The following ENPP3 variants were observed in gnomAD, a reference collection of about 807,000 sequenced individuals.
ENPP3 encodes the protein ectonucleotide pyrophosphatase/phosphodiesterase 3, also known as ectonucleotide pyrophosphatase/phosphodiesterase family member 3.
A neutral mutation model predicts 117.8 loss-of-function variants in ENPP3; 104 were observed. The ratio of observed to expected loss-of-function variants is 0.88; its 90% confidence interval spans 0.75 to 1.04. The LOEUF is 1.04. Among genes scored for constraint, ENPP3 ranks in the 50% least tolerant of loss-of-function variants. The probability of loss-of-function intolerance (pLI) is 0.00; values close to 1 mark genes in which losing one functional copy is unlikely to be tolerated. For synonymous variants in ENPP3, 380 were observed against 349.9 expected, an observed-to-expected ratio of 1.09 and a Z score of -0.96; for missense variants, 1,026 against 1,051.9, an observed-to-expected ratio of 0.98 and a Z score of 0.34.
At chr6:131,709,793 G>A (rs761283781) in intron 15 of ENPP3, 43 of 1,612,722 alleles carry the variant, frequency 2.7e-5, no homozygotes, top group South Asian at 4.4e-5. Context: ...TCCTCTATTC[G>A]GTAATTTTCC....
chr6:131,714,741 G>A (rs1454233334), intron 15 of ENPP3, among the ~76,000 whole-genome samples: 13 of 144,710 alleles, frequency 9.0e-5, no homozygotes, highest in East Asian at 6.1e-4. Flanking sequence ...GTTCATTTCC[G>A]TGAAAAATAT....
intron 21 of ENPP3, among the ~76,000 whole-genome samples, chr6:131,734,723 C>T (rs1041249331): frequency 6.6e-6 from 1 of 151,300 alleles, no homozygotes; most frequent in African/African-American, 2.4e-5. Flanking sequence ...ATGGTGAAAC[C>T]CTGTCCCGTC....
intron 6 of ENPP3, among the ~76,000 whole-genome samples, chr6:131,666,870 C>T (rs970616893): frequency 6.6e-6 from 1 of 152,186 alleles, no homozygotes; most frequent in Non-Finnish European, 1.5e-5. Context: ...GAGAAACCCT[C>T]GCCAGTTGGC....
intron 9 of ENPP3, among the ~76,000 whole-genome samples, chr6:131,676,246 C>G (rs1778865736): frequency 7.7e-6 from 1 of 129,682 alleles, no homozygotes; most frequent in Admixed American, 7.4e-5. Flanking sequence ...TTACTCTGCT[C>G]TAGTTTTTTT....
At chr6:131,645,748 A>C (rs531293214) in intron 2 of ENPP3, among the ~76,000 whole-genome samples, 8 of 152,112 alleles carry the variant, frequency 5.3e-5, no homozygotes, top group Non-Finnish European at 1.0e-4. Context: ...TAGTATCCAG[A>C]GTTGCTTTTA....
chr6:131,682,365 C>T (rs1033076063), intron 11 of ENPP3, among the ~76,000 whole-genome samples: 4 of 151,902 alleles, frequency 2.6e-5, no homozygotes, highest in African/African-American at 9.7e-5. Context: ...ATGATGGTGT[C>T]CACCTGTGGT....
At chr6:131,665,229 G>T (rs1356016890) in intron 6 of ENPP3, among the ~76,000 whole-genome samples, 2 of 152,018 alleles carry the variant, frequency 1.3e-5, no homozygotes, top group African/African-American at 4.8e-5. Flanking sequence ...TGTGATATCT[G>T]TGTAGCTTTT....
Position 131,685,420 on chromosome 6 carries a change from A to G in ENPP3, c.1177A>G (p.Ile393Val). Residue 393 changes from isoleucine (I) to valine (V), a missense_variant, in exon 13 of 25, where the codon ATA becomes GTA. Coordinates refer to ENST00000357639, the MANE Select transcript of ENPP3 (RefSeq NM_005021.5). ...MEYMTDYFPR[I>V]NFFYMYEGPA... ...ATACATGACTGATTATTTTCCCAGA[A>G]TAAACTTCTTCTACATGTACGAAGG... 1 of 1,613,476 alleles carries G rather than the reference A, an allele frequency of 6.2e-7. No homozygotes were observed. The highest frequency in any genetic ancestry group is 8.5e-7 in the Non-Finnish European group (1 of 1,179,380).
chr6:131,730,401 A>G (rs1165926633), intron 20 of ENPP3, among the ~76,000 whole-genome samples: 2 of 152,226 alleles, frequency 1.3e-5, no homozygotes, highest in Non-Finnish European at 2.9e-5. Flanking sequence ...AGAGTGAAAT[A>G]AATGGTGAGA....
chr6:131,713,206 T>C (rs1434627423), intron 15 of ENPP3, among the ~76,000 whole-genome samples: 1 of 137,390 alleles, frequency 7.3e-6, no homozygotes, highest in Non-Finnish European at 1.5e-5. Context: ...CTATCATGAT[T>C]GTGAGTTCTC....
At chr6:131,684,551 TGCCTGTA>T (rs1196500240) in intron 12 of ENPP3, among the ~76,000 whole-genome samples, 2 of 152,076 alleles carry the variant, frequency 1.3e-5, no homozygotes, top group African/African-American at 4.8e-5. Context: ...TGGTGGCACA[TGCCTGTA>T]GCCCCAGCTA....
At chr6:131,741,515 G>T (rs1431442615) in intron 24 of ENPP3, among the ~76,000 whole-genome samples, 1 of 152,164 alleles carries the variant, frequency 6.6e-6, no homozygotes, top group Non-Finnish European at 1.5e-5. Flanking sequence ...CATAAAATAA[G>T]GTGTAAGTAG....
In ENPP3 at chr6:131,683,110, GA is replaced by G; in HGVS notation, c.1070del (p.Lys357SerfsTer30). On this transcript the variant is annotated frameshift_variant, in exon 12 of 25. Transcript: ENST00000357639. LOFTEE classifies it high-confidence loss of function. ...HAFGMLMEGL[K>X]QRNLHNCVNI... ...CTTTTGGGATGTTGATGGAAGGCCT[GA>G]AGCAGCGGAATTTGCACAACTGTGT... 1 of 1,613,054 alleles carries G rather than the reference GA, an allele frequency of 6.2e-7. No individual in the cohort carries two copies. The highest frequency in any genetic ancestry group is 8.5e-7 in the Non-Finnish European group (1 of 1,179,124).
At chr6:131,693,079 GTTATATATTATATA>G (rs909743329) in intron 14 of ENPP3, among the ~76,000 whole-genome samples, 2 of 141,694 alleles carry the variant, frequency 1.4e-5, no homozygotes, top group East Asian at 2.0e-4. Flanking sequence ...ATTATATATG[GTTATATATTATATA>G]TTATATATTA....
intron 2 of ENPP3, among the ~76,000 whole-genome samples, chr6:131,648,370 T>G (rs1257280993): frequency 6.6e-6 from 1 of 152,044 alleles, no homozygotes; most frequent in African/African-American, 2.4e-5. Flanking sequence ...TCTGTTTTGA[T>G]AAGCACCTAA....
intron 18 of ENPP3, 111 bp downstream of exon 18, chr6:131,722,516 T>C (rs1350373207): frequency 5.0e-6 from 4 of 794,714 alleles, no homozygotes; most frequent in Admixed American, 4.7e-5. Flanking sequence ...GCCTTGGATA[T>C]TTACTTAGTA....
At chr6:131,743,415 C>T (rs1355749478) in intron 24 of ENPP3, among the ~76,000 whole-genome samples, 1 of 151,946 alleles carries the variant, frequency 6.6e-6, no homozygotes, top group East Asian at 1.9e-4. Context: ...ATAAAATATT[C>T]ACCTCCTTTT....
intron 14 of ENPP3, among the ~76,000 whole-genome samples, chr6:131,691,563 T>C (rs1779279245): frequency 6.8e-6 from 1 of 146,910 alleles, no homozygotes; most frequent in Non-Finnish European, 1.5e-5. Flanking sequence ...CACTCCAGCC[T>C]GAGTGATAGA....
intron 11 of ENPP3, among the ~76,000 whole-genome samples, chr6:131,680,582 TGAG>T (rs142669196): frequency 0.096 from 14,669 of 152,084 alleles, 1,674 homozygotes; most frequent in African/African-American, 0.27. Context: ...ACTTAAAACT[TGAG>T]AAGAAGAGGC....
Sources: allele counts gnomAD v4.1 joint callset (sites outside exome capture counted in the v4.1 genomes callset), GRCh38; gene constraint gnomAD v4.1.1; transcripts MANE v1.5; gene names NCBI Gene and HGNC (gene_info 2026-07-23, HGNC 2026-07-21).